Variants in NEURL1B observed in about 807,000 individuals in gnomAD.
The protein encoded by NEURL1B is E3 ubiquitin-protein ligase NEURL1B.
Under a neutral mutation model 37.4 loss-of-function variants are expected in NEURL1B, and 13 were observed. The observed-to-expected ratio is 0.35, with a 90% CI of 0.23 to 0.55. The LOEUF (loss-of-function observed/expected upper bound fraction) is 0.55. NEURL1B is among the 20% of genes least tolerant of loss of function. The pLI is 0.89. For missense variants in NEURL1B, 790 were observed against 879.2 expected, an observed-to-expected ratio of 0.90 and a Z score of 1.28; for synonymous variants, 432 against 426.6, an observed-to-expected ratio of 1.01 and a Z score of -0.16.
intron 2 of NEURL1B, among the ~76,000 whole-genome samples, chr5:172,680,541 A>G (rs1758329509): frequency 6.6e-6 from 1 of 152,262 alleles, no homozygotes; most frequent in Admixed American, 6.5e-5. Context: ...CTTGTCTAAA[A>G]TGCCTTTTCA....
intron 1 of NEURL1B, among the ~76,000 whole-genome samples, chr5:172,662,796 C>T (rs1757926171): frequency 6.6e-6 from 1 of 152,036 alleles, no homozygotes; most frequent in Admixed American, 6.6e-5. Flanking sequence ...TCCCTCCTCC[C>T]TAACCACCCA....
At chr5:172,667,536 T>C (rs1758039714) in intron 1 of NEURL1B, among the ~76,000 whole-genome samples, 1 of 152,074 alleles carries the variant, frequency 6.6e-6, no homozygotes, top group Non-Finnish European at 1.5e-5. Context: ...AGACTGAATG[T>C]TTTCTATTTT....
chr5:172,660,398 C>A (rs1757873984), intron 1 of NEURL1B, among the ~76,000 whole-genome samples: 1 of 152,204 alleles, frequency 6.6e-6, no homozygotes, highest in East Asian at 1.9e-4. Flanking sequence ...TTTCTCCCCA[C>A]AAGCAGCATT....
chr5:172,670,351 C>G, intron 2 of NEURL1B, 21 bp downstream of exon 2: 1 of 1,339,318 alleles, frequency 7.5e-7, no homozygotes, highest in South Asian at 1.9e-5. Flanking sequence ...GGCGCGGCGC[C>G]CCCTGGGGAC....
Position 172,683,855 on chromosome 5 carries a change from G to A in NEURL1B, c.1014G>A (p.Leu338=). ...GRPGLAAPGA[L]AFGITSCDPG... ...CGGGGCTGGCGGCGCCCGGCGCGCTGGCCTTCGGCATCACGTCGTGCGACC... is the reference window on the plus strand; with the variant it reads ...CGGGGCTGGCGGCGCCCGGCGCGCTAGCCTTCGGCATCACGTCGTGCGACC... Residue 338 remains leucine, a synonymous_variant, in exon 3 of 5, where the codon CTG becomes CTA. Transcript: ENST00000369800. The surrounding 1 kb of genome is among the most constrained non-coding windows in gnomAD (Gnocchi z 5.6). 4.4e-6 allele frequency: 6 copies of A among 1,362,304 alleles called. No homozygotes were observed. The highest frequency in any genetic ancestry group is 5.7e-6 in the Non-Finnish European group (6 of 1,053,416). 84.4% of individuals were successfully genotyped at this position (1,362,304 alleles called of 1,614,324 possible).
At chr5:172,652,918 C>T (rs149805850) in intron 1 of NEURL1B, among the ~76,000 whole-genome samples, 2,104 of 152,240 alleles carry the variant, frequency 0.014, 66 homozygotes, top group African/African-American at 0.048. Context: ...CTATGGCCCA[C>T]GACTCTGGAG....
At chr5:172,671,432 G>A (rs1758128463) in intron 2 of NEURL1B, among the ~76,000 whole-genome samples, 1 of 152,210 alleles carries the variant, frequency 6.6e-6, no homozygotes, top group African/African-American at 2.4e-5. Context: ...GCACCTGTCC[G>A]TAACCCCAGA....
Position 172,670,088 on chromosome 5 carries a change from A to G in NEURL1B, c.335A>G (p.Gln112Arg). 1 of 1,525,768 alleles carries G rather than the reference A, an allele frequency of 6.6e-7. No homozygotes were observed. The highest frequency in any genetic ancestry group is 8.8e-7 in the Non-Finnish European group (1 of 1,142,216). 94.5% of individuals were successfully genotyped at this position (1,525,768 alleles called of 1,614,324 possible). ...TAHDPSLMSA[Q>R]DIPKYACPDL... Reference sequence around the variant, plus strand: ...CACGATCCGTCGCTCATGAGCGCCCAGGACATCCCCAAGTACGCCTGCCCG... The same window carrying G: ...CACGATCCGTCGCTCATGAGCGCCCGGGACATCCCCAAGTACGCCTGCCCG... Residue 112 changes from glutamine (Q) to arginine (R), a missense_variant, in exon 2 of 5, where the codon CAG becomes CGG. By Grantham distance (43) the Gln-to-Arg change is conservative. Transcript: ENST00000369800.
In NEURL1B at chr5:172,689,189, T is replaced by G. The variant is rs1758578012; in HGVS notation, c.*2264T>G. The G allele has an allele frequency of 6.6e-6, 1 of 152,156 alleles. No homozygotes were observed. Among genetic ancestry groups the G allele is most frequent in the African/African-American group, 2.4e-5 (1 of 41,416 alleles). 9.4% of individuals were successfully genotyped at this position (152,156 alleles called of 1,614,324 possible). On this transcript the variant is annotated 3_prime_UTR_variant, in exon 5 of 5. Coordinates refer to ENST00000369800, the MANE Select transcript of NEURL1B (RefSeq NM_001142651.3). ...GTTTCCAAGAGGAGGTAAGGAAGTGTTTATCTTCTAAAAACCAGACGTTTC... is the reference window on the plus strand; with the variant it reads ...GTTTCCAAGAGGAGGTAAGGAAGTGGTTATCTTCTAAAAACCAGACGTTTC...
At chr5:172,681,931 C>T (rs1306548917) in intron 2 of NEURL1B, among the ~76,000 whole-genome samples, 2 of 152,182 alleles carry the variant, frequency 1.3e-5, no homozygotes, top group Non-Finnish European at 2.9e-5. Context: ...CTAAAAAACA[C>T]CTTCACAATA....
In NEURL1B at chr5:172,641,284, C is replaced by A; in HGVS notation, c.-123C>A. Reference sequence around the variant, plus strand: ...GGCTCCCGCCCCAGCTGCCGCCCGCCGGCTCGCCCGTGCAGCTGCGATGCC... The same window carrying A: ...GGCTCCCGCCCCAGCTGCCGCCCGCAGGCTCGCCCGTGCAGCTGCGATGCC... On this transcript the variant is annotated 5_prime_UTR_variant, in exon 1 of 5. Coordinates refer to ENST00000369800, the MANE Select transcript of NEURL1B (RefSeq NM_001142651.3). The surrounding 1 kb of genome is among the most constrained non-coding windows in gnomAD (Gnocchi z 6.4). The A allele has an allele frequency of 1.1e-6, 1 of 892,902 alleles. No homozygotes were observed. Among genetic ancestry groups the A allele is most frequent in the Non-Finnish European group, 1.5e-6 (1 of 688,730 alleles). 55.3% of individuals were successfully genotyped at this position (892,902 alleles called of 1,614,324 possible).
chr5:172,652,342 T>A (rs1404075336), intron 1 of NEURL1B, among the ~76,000 whole-genome samples: 1 of 152,270 alleles, frequency 6.6e-6, no homozygotes, highest in Admixed American at 6.5e-5. Context: ...TTTGGGCCTC[T>A]GGCCTGCCAT....
chr5:172,667,274 CTA>C (rs1491494006), intron 1 of NEURL1B, among the ~76,000 whole-genome samples: 1 of 14,814 alleles, frequency 6.8e-5, no homozygotes, highest in Non-Finnish European at 1.2e-4. Flanking sequence ...CCTGTCTCTA[CTA>C]AAAAAAAAAA....
chr5:172,683,509 A>C lies in NEURL1B; in HGVS notation c.668A>C (p.Asn223Thr). 3 of 1,502,962 alleles carry C rather than the reference A, an allele frequency of 2.0e-6. No individual in the cohort carries two copies. Among genetic ancestry groups the C allele is most frequent in the Non-Finnish European group, 2.7e-6 (3 of 1,131,102 alleles). The allele number at this position is 1,502,962 out of a possible 1,614,324, so 93.1% of individuals were successfully genotyped here. The change falls in exon 3 of 5, where the codon AAC (asparagine) becomes ACC (threonine). Residue 223 changes from asparagine to threonine, a missense_variant. Asn to Thr is a moderately conservative substitution (Grantham distance 65). Around this residue, in one of 3 missense-constraint regions of NEURL1B, gnomAD observed 460 missense variants for 407.4 expected, o/e 1.13. Coordinates refer to ENST00000369800, the MANE Select transcript of NEURL1B (RefSeq NM_001142651.3). This position sits in a 1 kb window ranked among gnomAD's most constrained non-coding sequence, Gnocchi z 5.6. The part of the protein sequence containing the change: ...CLPPSSHDAA[N>T]FDNNELENNQ... Reference sequence around the variant, plus strand: ...CCGCCCAGCAGCCACGACGCGGCCAACTTCGACAACAACGAGCTCGAGAAC... The same window carrying C: ...CCGCCCAGCAGCCACGACGCGGCCACCTTCGACAACAACGAGCTCGAGAAC...
At chr5:172,658,265 G>C (rs1757831801) in intron 1 of NEURL1B, among the ~76,000 whole-genome samples, 1 of 152,262 alleles carries the variant, frequency 6.6e-6, no homozygotes, top group African/African-American at 2.4e-5. Flanking sequence ...CACCCGCTAA[G>C]CTCCGTAGGG....
At position 172,686,755 on chromosome 5, in the gene NEURL1B, A is replaced by G; in HGVS notation, c.1498A>G (p.Asn500Asp). ...CCCACCGGAGCCGGCAGGCATCAAG[A>G]ATGGCGAGTGCACGGTGTGCTTCGA... ...FSPPEPAGIK[N>D]GECTVCFDGE... Residue 500 changes from asparagine to aspartate, a missense_variant, in exon 5 of 5, where the codon AAT becomes GAT. Physicochemically the swap from Asn to Asp is conservative, Grantham distance 23. Around this residue, in one of 3 missense-constraint regions of NEURL1B, gnomAD observed 115 missense variants for 162.6 expected, o/e 0.71. Transcript: ENST00000369800. This position sits in a 1 kb window ranked among gnomAD's most constrained non-coding sequence, Gnocchi z 7.9. The G allele has an allele frequency of 6.4e-7, 1 of 1,551,566 alleles. No homozygotes were observed. The highest frequency in any genetic ancestry group is 8.7e-7 in the Non-Finnish European group (1 of 1,147,062).
At chr5:172,652,607 G>A (rs1398042813) in intron 1 of NEURL1B, among the ~76,000 whole-genome samples, 1 of 152,196 alleles carries the variant, frequency 6.6e-6, no homozygotes, top group Non-Finnish European at 1.5e-5. Flanking sequence ...ACATCAGGGG[G>A]CAAGACTCCT....
In NEURL1B at chr5:172,686,950, C is replaced by A; in HGVS notation, c.*25C>A. 2 of 1,532,102 alleles carry A rather than the reference C, an allele frequency of 1.3e-6. No individual in the cohort carries two copies. Among genetic ancestry groups the A allele is most frequent in the South Asian group, 1.2e-5 (1 of 83,368 alleles). The allele number at this position is 1,532,102 out of a possible 1,614,324, so 94.9% of individuals were successfully genotyped here. ...GCCTAGCCTGCCCACGGGCCTTGGCCGGTGCAAGGTCACCTTTCTGAAGGC... is the reference window on the plus strand; with the variant it reads ...GCCTAGCCTGCCCACGGGCCTTGGCAGGTGCAAGGTCACCTTTCTGAAGGC... On this transcript the variant is annotated 3_prime_UTR_variant, in exon 5 of 5. Transcript: ENST00000369800. The surrounding 1 kb of genome is among the most constrained non-coding windows in gnomAD (Gnocchi z 7.9).
rs1329079051 is a variant in NEURL1B, at chr5:172,689,266, C to T, written c.*2341C>T. 6.6e-6 allele frequency: 1 copy of T among 152,262 alleles called. No homozygotes were observed. The highest frequency in any genetic ancestry group is 1.9e-4 in the East Asian group (1 of 5,208). The allele number at this position is 152,262 out of a possible 1,614,324, so 9.4% of individuals were successfully genotyped here. ...TACAGAGGAGATGCACACGTCCCCA[C>T]TATGTTCTGTCTTGAGAAGGGGACA... On this transcript the variant is annotated 3_prime_UTR_variant, in exon 5 of 5. Transcript: ENST00000369800.
Sources: allele counts gnomAD v4.1 joint callset (sites outside exome capture counted in the v4.1 genomes callset), GRCh38; gene constraint gnomAD v4.1.1; regional missense constraint gnomAD v4.1.1; non-coding constraint Gnocchi (gnomAD v3.1); transcripts MANE v1.5; gene names NCBI Gene and HGNC (gene_info 2026-07-23, HGNC 2026-07-21).